MICU2: variants seen among roughly 807,000 people sequenced by gnomAD.
MICU2 encodes calcium uptake protein 2, mitochondrial.
Under a neutral mutation model 60.4 loss-of-function variants are expected in MICU2, and 64 were observed. The observed-to-expected ratio is 1.06, with a 90% CI of 0.87 to 1.31. The LOEUF (loss-of-function observed/expected upper bound fraction) is 1.31, where lower values mean the gene tolerates loss of function less well. Ranked by LOEUF, MICU2 falls within the 50% of genes most tolerant of loss-of-function variation. The pLI is 0.00. For missense variants in MICU2, 569 were observed against 531.0 expected, an observed-to-expected ratio of 1.07 and a Z score of -0.70; for synonymous variants, 201 against 175.0, an observed-to-expected ratio of 1.15 and a Z score of -1.17.
intron 6 of MICU2, 61 bp from the exon 7 acceptor site, chr13:21,514,479 A>G (rs992718022): frequency 8.6e-7 from 1 of 1,169,552 alleles, no homozygotes; most frequent in African/African-American, 1.6e-5. Context: ...AAACAACCTA[A>G]AAAATAGATG....
chr13:21,578,287 C>A (rs1196434381), intron 1 of MICU2, among the ~76,000 whole-genome samples: 1 of 152,050 alleles, frequency 6.6e-6, no homozygotes, highest in African/African-American at 2.4e-5. Context: ...AAAGTGTGTC[C>A]TTAAAAAATA....
chr13:21,503,283 T>TC (rs1263286159), intron 8 of MICU2, among the ~76,000 whole-genome samples, 186 bp from the exon 9 acceptor site: 2 of 152,142 alleles, frequency 1.3e-5, no homozygotes, highest in Non-Finnish European at 2.9e-5. Flanking sequence ...ACTGATTAAG[T>TC]CCAACACTGG....
At chr13:21,511,582 A>G (rs1886428589) in intron 7 of MICU2, among the ~76,000 whole-genome samples, 1 of 152,234 alleles carries the variant, frequency 6.6e-6, no homozygotes, top group Non-Finnish European at 1.5e-5. Context: ...CAATGGTAGC[A>G]TCTTGCAAAA....
chr13:21,536,623 G>T (rs774910003), intron 4 of MICU2, among the ~76,000 whole-genome samples: 1 of 152,152 alleles, frequency 6.6e-6, no homozygotes, highest in East Asian at 1.9e-4. Flanking sequence ...GTGAGCTAAT[G>T]CACTCAGCCA....
At chr13:21,501,274 T>G (rs1035527096) in intron 9 of MICU2, among the ~76,000 whole-genome samples, 1 of 152,112 alleles carries the variant, frequency 6.6e-6, no homozygotes, top group African/African-American at 2.4e-5. Context: ...AAGTCTTTTT[T>G]TTTTTTGACA....
At chr13:21,502,201 A>G (rs909391410) in intron 9 of MICU2, among the ~76,000 whole-genome samples, 5 of 151,904 alleles carry the variant, frequency 3.3e-5, no homozygotes, top group Admixed American at 6.6e-5. Flanking sequence ...TCTTGCAGTT[A>G]TAACTGGGTT....
chr13:21,594,812 A>T (rs951297436), intron 1 of MICU2, among the ~76,000 whole-genome samples: 1 of 152,138 alleles, frequency 6.6e-6, no homozygotes, highest in Non-Finnish European at 1.5e-5. Flanking sequence ...CTCACTCATA[A>T]ATGGAAGCTG....
Position 21,492,934 on chromosome 13 carries a change from G to A in MICU2, c.*315C>T, listed in dbSNP as rs1051201111. 4.1e-5 allele frequency: 7 copies of A among 169,978 alleles called. No individual in the cohort carries two copies. Among genetic ancestry groups the A allele is most frequent in the African/African-American group, 1.4e-4 (6 of 41,910 alleles). 10.5% of individuals were successfully genotyped at this position (169,978 alleles called of 1,614,324 possible). ...CAAGTACTTTTTCCCATATGTATTT[G>A]TTTTATCCTTCCAGAAAGCATATCA... On this transcript the variant is annotated 3_prime_UTR_variant, in exon 12 of 12. Coordinates refer to ENST00000382374, the MANE Select transcript of MICU2 (RefSeq NM_152726.3).
At chr13:21,576,142 T>C (rs1207031140) in intron 1 of MICU2, among the ~76,000 whole-genome samples, 1 of 152,218 alleles carries the variant, frequency 6.6e-6, no homozygotes, top group East Asian at 1.9e-4. Flanking sequence ...TTCTCAACCA[T>C]GACATTTTGA....
In MICU2 at chr13:21,521,258, C is replaced by G. The variant is rs1379576593; in HGVS notation, c.584G>C (p.Arg195Thr). Reference sequence around the variant, plus strand: ...GCGTCCACTTACCTTAAAAAATTCCCTTTTTTCAATCATCTCATTACCATC... The same window carrying G: ...GCGTCCACTTACCTTAAAAAATTCCGTTTTTTCAATCATCTCATTACCATC... ...DTDGNEMIEK[R>T]EFFKLQKIIS... Residue 195 changes from arginine to threonine, a missense_variant, in exon 6 of 12, where the codon AGG (arginine) becomes ACG (threonine). Physicochemically the swap from Arg to Thr is moderately conservative, Grantham distance 71 (BLOSUM62 -1). Coordinates refer to ENST00000382374, the MANE Select transcript of MICU2 (RefSeq NM_152726.3). 1 of 1,602,468 alleles carries G rather than the reference C, an allele frequency of 6.2e-7. No individual in the cohort carries two copies. The highest frequency in any genetic ancestry group is 1.1e-5 in the South Asian group (1 of 88,226).
intron 4 of MICU2, among the ~76,000 whole-genome samples, chr13:21,528,017 A>G (rs1370185170): frequency 6.6e-6 from 1 of 152,202 alleles, no homozygotes; most frequent in African/African-American, 2.4e-5. Context: ...TATCCCACCT[A>G]TTGCAAGAAT....
intron 2 of MICU2, among the ~76,000 whole-genome samples, chr13:21,548,988 A>G (rs1477133578): frequency 7.4e-6 from 1 of 135,176 alleles, no homozygotes; most frequent in Admixed American, 8.7e-5. Flanking sequence ...GTGCAGTGGC[A>G]CAATCTTGGT....
At chr13:21,497,978 C>A (rs1296210393) in intron 9 of MICU2, among the ~76,000 whole-genome samples, 1 of 152,138 alleles carries the variant, frequency 6.6e-6, no homozygotes. Flanking sequence ...TGGTTTCAAA[C>A]TCCTGGGCTC....
chr13:21,536,861 G>C (rs368894973), intron 4 of MICU2, among the ~76,000 whole-genome samples: 3 of 152,272 alleles, frequency 2.0e-5, no homozygotes, highest in African/African-American at 7.2e-5. Context: ...TCAGATCCTT[G>C]ATAAGGTTCA....
At chr13:21,580,440 C>T (rs1888322604) in intron 1 of MICU2, among the ~76,000 whole-genome samples, 1 of 152,112 alleles carries the variant, frequency 6.6e-6, no homozygotes, top group Non-Finnish European at 1.5e-5. Flanking sequence ...CGAATCTACT[C>T]CTGTGTCTTT....
intron 2 of MICU2, among the ~76,000 whole-genome samples, chr13:21,554,003 C>A (rs2138022918): frequency 6.6e-6 from 1 of 152,200 alleles, no homozygotes; most frequent in African/African-American, 2.4e-5. Context: ...ATATATGCAC[C>A]CAATACAGGA....
chr13:21,552,217 C>T (rs1887587258), intron 2 of MICU2, among the ~76,000 whole-genome samples: 1 of 152,120 alleles, frequency 6.6e-6, no homozygotes, highest in African/African-American at 2.4e-5. Context: ...TGTTTTTTGG[C>T]TGCATAAATG....
At chr13:21,577,804 CAAAAAAA>C (rs56200015) in intron 1 of MICU2, among the ~76,000 whole-genome samples, 2 of 47,900 alleles carry the variant, frequency 4.2e-5, no homozygotes, top group South Asian at 9.0e-4. Context: ...GACTCGGTCT[CAAAAAAA>C]AAAAAAAAAA....
At chr13:21,572,502 G>C (rs989287311) in intron 1 of MICU2, among the ~76,000 whole-genome samples, 1 of 152,172 alleles carries the variant, frequency 6.6e-6, no homozygotes, top group Non-Finnish European at 1.5e-5. Context: ...CTTCCCCTGG[G>C]AGATACATTT....
Sources: gnomAD v4.1 joint callset for allele counts (sites outside exome capture counted in the v4.1 genomes callset) on GRCh38, gnomAD v4.1.1 for gene constraint, MANE v1.5 for transcripts, NCBI Gene and HGNC (gene_info 2026-07-23, HGNC 2026-07-21) for gene names.